Variants in ARHGAP24 observed in about 807,000 individuals in gnomAD.
ARHGAP24 encodes the protein Rho GTPase activating protein 24.
In ARHGAP24, 50 loss-of-function variants were observed where a neutral mutation model predicts 76.4. The ratio of observed to expected loss-of-function variants is 0.65; its 90% confidence interval spans 0.52 to 0.83. The LOEUF (loss-of-function observed/expected upper bound fraction) is 0.83, where lower values mean the gene tolerates loss of function less well. Ranked by LOEUF, ARHGAP24 falls within the 40% of genes least tolerant of loss-of-function variation. The pLI is 0.00. For missense variants in ARHGAP24, 930 were observed against 914.2 expected (o/e 1.02, Z -0.22); for synonymous variants, 345 against 323.3 (o/e 1.07, Z -0.72).
In ARHGAP24 at chr4:85,622,548, T is replaced by A. The variant is rs1299786723; in HGVS notation, c.180+51827T>A. The stretch of plus-strand genomic sequence containing the variant: ...TCTTTGCTATTGTGAATAGTGCTGC[T>A]ATAAACATACGTGTGCATGTGTCTT... On this transcript the variant is annotated intron_variant, in intron 2 of 9. Transcript: ENST00000395184. Among the ~76,000 whole-genome samples the A allele has an allele frequency of 1.1e-4, 16 of 152,084 alleles. No homozygotes were observed. In the East Asian group the frequency reaches 2.7e-3, roughly 26 times the overall value.
At chr4:85,913,209 T>C (rs531073021) in intron 3 of ARHGAP24, among the ~76,000 whole-genome samples, 3 of 152,196 alleles carry the variant, frequency 2.0e-5, no homozygotes, top group Non-Finnish European at 2.9e-5. Flanking sequence ...TGGCCTTTTC[T>C]GTTTGCTTCC....
At position 85,983,057 on chromosome 4, in the gene ARHGAP24, AATGGCTTCCAGCTCCATCC is replaced by A. The variant is rs550273232; in HGVS notation, c.928+5370_928+5388del. On this transcript the variant is annotated intron_variant, in intron 8 of 9. Transcript: ENST00000395184. ...GTTCCTGCATTAGTTTGCTGAGTAT[AATGGCTTCCAGCTCCATCC>A]ATGTCCCTGCAAAGGACATGATCTC... Among the ~76,000 whole-genome samples the A allele has an allele frequency of 9.9e-5, 15 of 152,266 alleles. No homozygotes were observed. The South Asian group carries it at 3.1e-3, about 32-fold the overall frequency.
intron 3 of ARHGAP24, among the ~76,000 whole-genome samples, chr4:85,803,092 A>G (rs1728645215): frequency 2.6e-5 from 4 of 152,234 alleles, no homozygotes; most frequent in Admixed American, 2.6e-4. Flanking sequence ...AAAACAAATG[A>G]TATATTAAGG....
intron 3 of ARHGAP24, among the ~76,000 whole-genome samples, chr4:85,743,164 T>C (rs1725887392): frequency 6.6e-6 from 1 of 151,758 alleles, no homozygotes; most frequent in Non-Finnish European, 1.5e-5. Flanking sequence ...AATTATCATA[T>C]AATTCAGCTA....
intron 2 of ARHGAP24, among the ~76,000 whole-genome samples, chr4:85,690,824 A>G (rs988747919): frequency 2.0e-5 from 3 of 146,722 alleles, no homozygotes; most frequent in Non-Finnish European, 3.0e-5. Flanking sequence ...GGACTTTTGC[A>G]TCTCAATTTT....
At chr4:85,784,272 A>G (rs1727701256) in intron 3 of ARHGAP24, among the ~76,000 whole-genome samples, 1 of 150,666 alleles carries the variant, frequency 6.6e-6, no homozygotes, top group South Asian at 2.1e-4. Context: ...GATCTAGTGC[A>G]TAGCCTATGG....
rs1553920518 is a variant in ARHGAP24 at position 85,655,792 on chromosome 4, T to TATATATAG, written c.181-66092_181-66091insTATATAGA. On this transcript the variant is annotated intron_variant, in intron 2 of 9. Coordinates refer to ENST00000395184, the MANE Select transcript of ARHGAP24 (RefSeq NM_001025616.3). ...ATATATATATATATATATATATATA[T>TATATATAG]AGAGAGAGAGAGAGAGAGAGAGAGA... Among the ~76,000 whole-genome samples, 8 of 37,702 alleles carry TATATATAG rather than the reference T, an allele frequency of 2.1e-4. No homozygotes were observed. The East Asian group carries it at 3.8e-3, about 18-fold the overall frequency. 24.7% of individuals were successfully genotyped at this position (37,702 alleles called of 152,430 possible).
At chr4:85,547,571 G>A (rs963862374) in intron 1 of ARHGAP24, among the ~76,000 whole-genome samples, 1 of 152,060 alleles carries the variant, frequency 6.6e-6, no homozygotes, top group Non-Finnish European at 1.5e-5. Flanking sequence ...GAGTAGCTGA[G>A]ACTACAGTCA....
chr4:85,889,527 T>C (rs1283262573), intron 3 of ARHGAP24, among the ~76,000 whole-genome samples: 2 of 152,242 alleles, frequency 1.3e-5, no homozygotes, highest in Non-Finnish European at 2.9e-5. Flanking sequence ...CTGTAGTCTA[T>C]GAGGCTTAGT....
At position 85,623,672 on chromosome 4, in the gene ARHGAP24, T is replaced by C. The variant is rs543033717; in HGVS notation, c.180+52951T>C. ...TGGGGATGGCATTGAATCTATAAAT[T>C]ACCATGGGCAGTATGGCCATTTTCA... On this transcript the variant is annotated intron_variant, in intron 2 of 9. Transcript: ENST00000395184. Among the ~76,000 whole-genome samples the C allele has an allele frequency of 1.5e-3, 233 of 151,824 alleles. 2 individuals are homozygous for C. Among genetic ancestry groups the C allele is most frequent in the African/African-American group, 5.2e-3 (214 of 41,414 alleles).
chr4:85,732,666 T>C (rs1021665871), intron 3 of ARHGAP24, among the ~76,000 whole-genome samples: 1 of 151,208 alleles, frequency 6.6e-6, no homozygotes, highest in Non-Finnish European at 1.5e-5. Flanking sequence ...ATTTCAAACA[T>C]AGGATTAATA....
At chr4:85,958,634 C>T (rs985747963) in intron 5 of ARHGAP24, among the ~76,000 whole-genome samples, 1 of 152,168 alleles carries the variant, frequency 6.6e-6, no homozygotes, top group African/African-American at 2.4e-5. Flanking sequence ...TGCATGAAAG[C>T]ATATCCCTTA....
At chr4:85,592,850 C>G (rs981027216) in intron 2 of ARHGAP24, among the ~76,000 whole-genome samples, 1 of 152,174 alleles carries the variant, frequency 6.6e-6, no homozygotes, top group African/African-American at 2.4e-5. Context: ...AATAGTACTT[C>G]ATTGCATACC....
At chr4:85,477,161 G>A (rs535298393) in intron 1 of ARHGAP24, among the ~76,000 whole-genome samples, 39 of 152,258 alleles carry the variant, frequency 2.6e-4, no homozygotes, top group Non-Finnish European at 4.6e-4. Flanking sequence ...GAGGTATTTG[G>A]AAGGAATATA....
In ARHGAP24 at chr4:85,986,080, C is replaced by T. The variant is rs374865406; in HGVS notation, c.928+8389C>T. On this transcript the variant is annotated intron_variant, in intron 8 of 9. Coordinates refer to ENST00000395184, the MANE Select transcript of ARHGAP24 (RefSeq NM_001025616.3). ...TATTTGCAGTCAACTGACATGAATT[C>T]TATTGAAAAACATGGAGACTGCTTT... 2.0e-5 allele frequency among the ~76,000 whole-genome samples: 3 copies of T among 152,224 alleles called. No homozygotes were observed. The East Asian group carries it at 5.8e-4, about 29-fold the overall frequency.
At chr4:85,587,690 T>C (rs1172662176) in intron 2 of ARHGAP24, among the ~76,000 whole-genome samples, 1 of 152,214 alleles carries the variant, frequency 6.6e-6, no homozygotes, top group Non-Finnish European at 1.5e-5. Flanking sequence ...ATAAGTGCAG[T>C]TCCATCAATC....
At position 85,827,028 on chromosome 4, in the gene ARHGAP24, A is replaced by T. The variant is rs1729744644; in HGVS notation, c.269-96620A>T. Among the ~76,000 whole-genome samples the T allele has an allele frequency of 2.0e-5, 3 of 152,352 alleles. No individual in the cohort carries two copies. The South Asian group carries it at 6.2e-4, about 32-fold the overall frequency. On this transcript the variant is annotated intron_variant, in intron 3 of 9. Coordinates refer to ENST00000395184, the MANE Select transcript of ARHGAP24 (RefSeq NM_001025616.3). ...ATAAAAACTTAGACTCTACAGGGAAATATTTATTAACACGTTTGTATCTAT... is the reference window on the plus strand; with the variant it reads ...ATAAAAACTTAGACTCTACAGGGAATTATTTATTAACACGTTTGTATCTAT...
intron 1 of ARHGAP24, among the ~76,000 whole-genome samples, chr4:85,522,421 C>T (rs2110111762): frequency 6.6e-6 from 1 of 152,230 alleles, no homozygotes; most frequent in Non-Finnish European, 1.5e-5. Flanking sequence ...ACATACTCTC[C>T]ACACATTGTA....
intron 2 of ARHGAP24, among the ~76,000 whole-genome samples, chr4:85,715,612 A>G (rs1250281305): frequency 2.0e-5 from 3 of 152,068 alleles, no homozygotes; most frequent in Non-Finnish European, 4.4e-5. Context: ...ACTCTAGAAT[A>G]GATTTACTTA....
Sources: gnomAD v4.1 joint callset for allele counts (sites outside exome capture counted in the v4.1 genomes callset) on GRCh38, gnomAD v4.1.1 for gene constraint, MANE v1.5 for transcripts, NCBI Gene and HGNC (gene_info 2026-07-23, HGNC 2026-07-21) for gene names.